The following NTNG1 variants were observed in gnomAD, a reference collection of about 807,000 sequenced individuals.
NTNG1 encodes netrin-G1.
NTNG1 carries 16 observed loss-of-function variants against 54.0 expected under a neutral mutation model. That is an observed-to-expected ratio of 0.30 (90% CI 0.20 to 0.45). The LOEUF is 0.45. Among genes scored for constraint, NTNG1 ranks in the 20% least tolerant of loss-of-function variants. The probability of loss-of-function intolerance (pLI) is 1.00; values close to 1 mark genes in which losing one functional copy is unlikely to be tolerated. For missense variants in NTNG1, 530 were observed against 678.7 expected (o/e 0.78, Z 2.43); for synonymous variants, 255 against 263.1 (o/e 0.97, Z 0.30).
chr1:107,452,818 C>A (rs991850931), intron 7 of NTNG1, among the ~76,000 whole-genome samples: 4 of 152,188 alleles, frequency 2.6e-5, no homozygotes, highest in Non-Finnish European at 5.9e-5. Flanking sequence ...AAATAAAATT[C>A]TTTTCTTTAT....
intron 6 of NTNG1, among the ~76,000 whole-genome samples, chr1:107,433,375 C>T (rs1168279089): frequency 6.6e-6 from 1 of 152,062 alleles, no homozygotes; most frequent in Non-Finnish European, 1.5e-5. Flanking sequence ...GAAACCACAT[C>T]TCTACTGAAA....
At chr1:107,163,492 T>G (rs1447928781) in intron 2 of NTNG1, among the ~76,000 whole-genome samples, 1 of 152,150 alleles carries the variant, frequency 6.6e-6, no homozygotes, top group Non-Finnish European at 1.5e-5. Context: ...CTTCTGAAGG[T>G]TTTCCTATTA....
chr1:107,338,872 TA>T (rs66513954), intron 3 of NTNG1, among the ~76,000 whole-genome samples: 58,041 of 148,164 alleles, frequency 0.39, 12,532 homozygotes, highest in East Asian at 0.7. Flanking sequence ...TAAGAAGCTT[TA>T]AAAAAAAAAA....
chr1:107,166,983 G>A (rs1049196027), intron 2 of NTNG1, among the ~76,000 whole-genome samples: 14 of 152,210 alleles, frequency 9.2e-5, no homozygotes, highest in Non-Finnish European at 1.8e-4. Context: ...TCAGATACAA[G>A]CAACTTAACC....
At chr1:107,397,515 T>TC (rs1672753577) in intron 4 of NTNG1, among the ~76,000 whole-genome samples, 1 of 152,164 alleles carries the variant, frequency 6.6e-6, no homozygotes, top group Non-Finnish European at 1.5e-5. Context: ...AGCTAACCTC[T>TC]CCAACACTGT....
At chr1:107,277,539 T>G (rs1174345105) in intron 2 of NTNG1, among the ~76,000 whole-genome samples, 1 of 152,188 alleles carries the variant, frequency 6.6e-6, no homozygotes, top group Non-Finnish European at 1.5e-5. Flanking sequence ...TCTGACATGA[T>G]AGAGAAAAAT....
At chr1:107,310,330 C>T (rs1666931804) in intron 2 of NTNG1, among the ~76,000 whole-genome samples, 1 of 152,116 alleles carries the variant, frequency 6.6e-6, no homozygotes, top group East Asian at 1.9e-4. Context: ...AATGATACAG[C>T]TTTCTCAATC....
intron 3 of NTNG1, among the ~76,000 whole-genome samples, chr1:107,367,066 G>A (rs779112101): frequency 2.7e-3 from 70 of 26,304 alleles, no homozygotes; most frequent in Non-Finnish European, 4.1e-3. Context: ...TTATCTGTTC[G>A]TGTGTGTGTG....
chr1:107,469,097 C>CA (rs35394442), intron 7 of NTNG1, among the ~76,000 whole-genome samples: 57,711 of 115,328 alleles, frequency 0.5, 13,278 homozygotes, highest in Admixed American at 0.57. Context: ...AACTCCATTT[C>CA]AAAAAAAAAA....
At chr1:107,147,130 C>A (rs550832302) in intron 1 of NTNG1, among the ~76,000 whole-genome samples, 1 of 152,152 alleles carries the variant, frequency 6.6e-6, no homozygotes, top group Non-Finnish European at 1.5e-5. Flanking sequence ...TTAAACTCAC[C>A]AATGACTTGT....
Position 107,281,019 on chromosome 1 carries a change from AC to A in NTNG1, c.247-43260del, listed in dbSNP as rs541492450. On this transcript the variant is annotated intron_variant, in intron 2 of 7. Transcript: ENST00000370068. ...CTTCCTGTTTTAAGCCCCACATCTC[AC>A]CCTTACTCTCATGTAACCCTCCAGC... 2.0e-5 allele frequency among the ~76,000 whole-genome samples: 3 copies of A among 151,776 alleles called. No individual in the cohort carries two copies. In the South Asian group the frequency reaches 6.3e-4, roughly 32 times the overall value.
intron 7 of NTNG1, among the ~76,000 whole-genome samples, chr1:107,473,739 A>G (rs1442344696): frequency 6.6e-6 from 1 of 152,236 alleles, no homozygotes; most frequent in East Asian, 1.9e-4. Context: ...TTGTAAACTC[A>G]TGGCAATTGT....
chr1:107,416,338 C>T (rs1164632433), intron 5 of NTNG1, among the ~76,000 whole-genome samples: 4 of 151,828 alleles, frequency 2.6e-5, no homozygotes, highest in Non-Finnish European at 1.5e-5. Flanking sequence ...AATTACATTC[C>T]TAGGCAAATA....
At chr1:107,335,484 G>A (rs927518898) in intron 3 of NTNG1, among the ~76,000 whole-genome samples, 8 of 151,846 alleles carry the variant, frequency 5.3e-5, no homozygotes, top group South Asian at 2.1e-4. Flanking sequence ...ATGAACATAT[G>A]TCTTTATGAA....
At chr1:107,417,914 G>T (rs1420091724) in intron 5 of NTNG1, among the ~76,000 whole-genome samples, 2 of 151,902 alleles carry the variant, frequency 1.3e-5, no homozygotes, top group African/African-American at 4.8e-5. Flanking sequence ...ATTTATTTCT[G>T]CATTGAAACC....
At chr1:107,328,391 A>G (rs1668086287) in intron 3 of NTNG1, among the ~76,000 whole-genome samples, 1 of 152,154 alleles carries the variant, frequency 6.6e-6, no homozygotes, top group Non-Finnish European at 1.5e-5. Flanking sequence ...AAAGGGCATC[A>G]AGTAGCATTA....
At chr1:107,148,933 T>C in intron 2 of NTNG1, 94 bp downstream of exon 2, 1 of 1,295,392 alleles carries the variant, frequency 7.7e-7, no homozygotes, top group Non-Finnish European at 1.1e-6. Flanking sequence ...ATTCATGCAA[T>C]AAGTTGAATC....
chr1:107,140,690 A>C (rs1381200791), upstream of NTNG1: 1 of 152,030 alleles, frequency 6.6e-6, no homozygotes, highest in Non-Finnish European at 1.5e-5. Context: ...AAGCGGTGCC[A>C]AGCGGCATAG....
At chr1:107,176,651 G>A (rs1656673329) in intron 2 of NTNG1, among the ~76,000 whole-genome samples, 1 of 152,136 alleles carries the variant, frequency 6.6e-6, no homozygotes. Flanking sequence ...GTTAGGAATT[G>A]ACTAACATGG....
Sources: gnomAD v4.1 joint callset for allele counts (sites outside exome capture counted in the v4.1 genomes callset) on GRCh38, gnomAD v4.1.1 for gene constraint, MANE v1.5 for transcripts, NCBI Gene and HGNC (gene_info 2026-07-23, HGNC 2026-07-21) for gene names.